Variants in STARD13 observed in about 807,000 individuals in gnomAD.
The protein encoded by STARD13 is StAR related lipid transfer domain containing 13, also known as stAR-related lipid transfer protein 13.
A neutral mutation model predicts 106.4 loss-of-function variants in STARD13; 62 were observed. The observed-to-expected ratio is 0.58, with a 90% CI of 0.48 to 0.72. STARD13 has a LOEUF of 0.72. Among genes scored for constraint, STARD13 ranks in the 30% least tolerant of loss-of-function variants. STARD13 has a pLI of 0.00. For synonymous variants in STARD13, 565 were observed against 553.0 expected (o/e 1.02, Z -0.31); for missense variants, 1,387 against 1,424.0 (o/e 0.97, Z 0.42).
chr13:33,105,792 T>C, intron 13 of STARD13, 82 bp from the exon 14 acceptor site: 1 of 1,196,594 alleles, frequency 8.4e-7, no homozygotes, highest in South Asian at 1.2e-5. Flanking sequence ...AGGGCTGCCC[T>C]TGGGCCCCGA....
the STARD13 span, among the ~76,000 whole-genome samples, chr13:33,515,169 TC>T: frequency 2.0e-5 from 3 of 152,144 alleles, no homozygotes; most frequent in Non-Finnish European, 4.4e-5. Flanking sequence ...CTTTCAAATG[TC>T]CTCACAAGGT....
At chr13:33,442,934 T>G in the STARD13 span, among the ~76,000 whole-genome samples, 1 of 152,218 alleles carries the variant, frequency 6.6e-6, no homozygotes, top group Non-Finnish European at 1.5e-5. Flanking sequence ...AATCACAGGA[T>G]GCCAGGGGCC....
At chr13:33,501,939 G>A in the STARD13 span, among the ~76,000 whole-genome samples, 2 of 152,098 alleles carry the variant, frequency 1.3e-5, no homozygotes, top group African/African-American at 4.8e-5. Flanking sequence ...TAGCTTGATG[G>A]GGATGGCATT....
chr13:33,456,507 C>T, the STARD13 span, among the ~76,000 whole-genome samples: 2 of 152,128 alleles, frequency 1.3e-5, no homozygotes, highest in Non-Finnish European at 2.9e-5. Flanking sequence ...AATTTTCTTA[C>T]ATTTCTGGAG....
At chr13:33,405,700 T>C in the STARD13 span, among the ~76,000 whole-genome samples, 16 of 152,388 alleles carry the variant, frequency 1.0e-4, no homozygotes, top group Admixed American at 5.2e-4. Context: ...GAACGAATGA[T>C]ATATACAAAG....
At chr13:33,215,891 A>T (rs1041997289) in intron 1 of STARD13, among the ~76,000 whole-genome samples, 5 of 152,206 alleles carry the variant, frequency 3.3e-5, no homozygotes, top group African/African-American at 1.2e-4. Flanking sequence ...CCCACCAAAA[A>T]GTGGGCTAAA....
the STARD13 span, among the ~76,000 whole-genome samples, chr13:33,640,495 A>G: frequency 2.0e-5 from 3 of 152,140 alleles, no homozygotes; most frequent in Non-Finnish European, 4.4e-5. Context: ...TGAGTGTTTC[A>G]CTGAAAACAT....
the STARD13 span, among the ~76,000 whole-genome samples, chr13:33,503,460 T>G: frequency 2.6e-5 from 4 of 152,220 alleles, no homozygotes; most frequent in Admixed American, 2.0e-4. Context: ...TCTAGTTCTT[T>G]TAATTGTGAT....
At chr13:33,577,515 T>C in the STARD13 span, among the ~76,000 whole-genome samples, 1,303 of 152,292 alleles carry the variant, frequency 8.6e-3, 30 homozygotes, top group East Asian at 0.052. Flanking sequence ...TACTCAGTAA[T>C]AGGAGTTATT....
At chr13:33,574,151 T>C in the STARD13 span, among the ~76,000 whole-genome samples, 7 of 152,304 alleles carry the variant, frequency 4.6e-5, no homozygotes, top group South Asian at 1.2e-3. Flanking sequence ...TGCGGATGTG[T>C]CTTGCTTCAG....
chr13:33,139,208 G>T (rs1433502715), intron 4 of STARD13, among the ~76,000 whole-genome samples: 2 of 152,232 alleles, frequency 1.3e-5, no homozygotes, highest in Non-Finnish European at 2.9e-5. Flanking sequence ...AAGGGCTAGA[G>T]GCTCACCCAG....
At chr13:33,570,068 A>G in the STARD13 span, among the ~76,000 whole-genome samples, 2 of 147,668 alleles carry the variant, frequency 1.4e-5, no homozygotes, top group Non-Finnish European at 3.0e-5. Context: ...AAACTAATGA[A>G]ATACAAAAAA....
chr13:33,259,077 C>T (rs566816997), intron 1 of STARD13, among the ~76,000 whole-genome samples: 2 of 152,338 alleles, frequency 1.3e-5, no homozygotes, highest in South Asian at 2.1e-4. Context: ...TACCCTTGTA[C>T]TTCTGTCCTG....
intron 3 of STARD13, among the ~76,000 whole-genome samples, chr13:33,145,617 C>T (rs919430305): frequency 6.6e-6 from 1 of 152,100 alleles, no homozygotes; most frequent in South Asian, 2.1e-4. Context: ...AGAAATGGCC[C>T]AAATGTCCAT....
chr13:33,366,092 A>G, the STARD13 span, among the ~76,000 whole-genome samples: 1 of 152,068 alleles, frequency 6.6e-6, no homozygotes, highest in Non-Finnish European at 1.5e-5. This position sits in a 1 kb window ranked among gnomAD's most constrained non-coding sequence, Gnocchi z 4.2. Flanking sequence ...TATGTATTAA[A>G]AATTATATAG....
the STARD13 span, among the ~76,000 whole-genome samples, chr13:33,471,514 AC>A: frequency 6.6e-6 from 1 of 152,178 alleles, no homozygotes; most frequent in Non-Finnish European, 1.5e-5. Context: ...GGGAAGGAAT[AC>A]CTAATACTCC....
the STARD13 span, chr13:33,439,657 A>G: frequency 1.7e-6 from 2 of 1,196,800 alleles, no homozygotes; most frequent in Admixed American, 4.7e-5. Context: ...ACTTTTATAC[A>G]TAAACAGGAA....
At chr13:33,209,575 TCTG>T (rs1355869775) in intron 1 of STARD13, among the ~76,000 whole-genome samples, 3 of 152,020 alleles carry the variant, frequency 2.0e-5, no homozygotes, top group East Asian at 3.9e-4. Context: ...TTAGGACAGA[TCTG>T]CTGGTCGTCA....
downstream of STARD13, among the ~76,000 whole-genome samples, chr13:33,346,015 G>A (rs1050306286): frequency 6.6e-6 from 1 of 152,190 alleles, no homozygotes; most frequent in Non-Finnish European, 1.5e-5. Context: ...TATGTAGTCA[G>A]TTCCCTCCCA....
Sources: gnomAD v4.1 joint callset for allele counts (sites outside exome capture counted in the v4.1 genomes callset) on GRCh38, gnomAD v4.1.1 for gene constraint, Gnocchi (gnomAD v3.1) non-coding constraint, MANE v1.5 for transcripts, NCBI Gene and HGNC (gene_info 2026-07-23, HGNC 2026-07-21) for gene names.